DNAAF9: variants seen among roughly 807,000 people sequenced by gnomAD.
DNAAF9 encodes dynein axonemal assembly factor 9.
DNAAF9 carries 90 observed loss-of-function variants against 167.0 expected under a neutral mutation model. The observed-to-expected ratio is 0.54, with a 90% CI of 0.45 to 0.64. The LOEUF (loss-of-function observed/expected upper bound fraction) is 0.64. Among genes scored for constraint, DNAAF9 ranks in the 30% least tolerant of loss-of-function variants. The pLI is 0.00. For synonymous variants in DNAAF9, 491 were observed against 508.8 expected, an observed-to-expected ratio of 0.96 and a Z score of 0.47; for missense variants, 1,315 against 1,442.2, an observed-to-expected ratio of 0.91 and a Z score of 1.43.
rs762145683 is a variant in DNAAF9 at position 3,399,602 on chromosome 20, G to A, written c.83+7873C>T. On this transcript the variant is annotated intron_variant, in intron 1 of 36. Transcript: ENST00000252032. The stretch of plus-strand genomic sequence containing the variant: ...AGAGTTGATCAATGAGACATACACA[G>A]AAGTCATCAAGCAGAAGCTTCCAAG... Among the ~76,000 whole-genome samples the A allele has an allele frequency of 7.3e-4, 111 of 152,150 alleles. No individual in the cohort carries two copies. In the Middle Eastern group the frequency reaches 0.017, roughly 23 times the overall value.
intron 21 of DNAAF9, among the ~76,000 whole-genome samples, chr20:3,299,513 T>C (rs1354102215): frequency 3.3e-5 from 5 of 152,176 alleles, no homozygotes; most frequent in African/African-American, 9.7e-5. Context: ...GGTTTTGCCA[T>C]GTTGGCCAGG....
intron 25 of DNAAF9, among the ~76,000 whole-genome samples, chr20:3,291,407 A>C (rs6084328): frequency 0.26 from 38,734 of 148,048 alleles, 5,240 homozygotes; most frequent in East Asian, 0.38. Context: ...GCAGTGGTGC[A>C]ATCTCGGCTC....
Position 3,344,618 on chromosome 20 carries a change from CA to C in DNAAF9, c.790-888del, listed in dbSNP as rs1568617675. On this transcript the variant is annotated intron_variant, in intron 8 of 36. Coordinates refer to ENST00000252032, the MANE Select transcript of DNAAF9 (RefSeq NM_001009984.3). Reference sequence around the variant, plus strand: ...ACACACACACACACACACACACACACACACACACACACACACACACACCTCA... The same window carrying C: ...ACACACACACACACACACACACACACCACACACACACACACACACACCTCA... Among the ~76,000 whole-genome samples the C allele has an allele frequency of 3.4e-4, 51 of 150,400 alleles. 1 individual carries two copies. Among genetic ancestry groups the C allele is most frequent in the African/African-American group, 1.0e-3 (42 of 40,780 alleles).
chr20:3,328,170 C>G (rs567341101), intron 12 of DNAAF9, among the ~76,000 whole-genome samples: 1 of 127,322 alleles, frequency 7.9e-6, no homozygotes, highest in Non-Finnish European at 1.7e-5. Context: ...AATTAAAAAG[C>G]CTGCATGGCT....
intron 1 of DNAAF9, among the ~76,000 whole-genome samples, chr20:3,398,402 T>A (rs2083939849): frequency 1.3e-5 from 2 of 152,198 alleles, no homozygotes; most frequent in South Asian, 4.2e-4. Context: ...ATCCTTTGAG[T>A]TGGATTACTG....
chr20:3,297,608 T>A (rs961947714), intron 22 of DNAAF9, among the ~76,000 whole-genome samples: 2 of 152,048 alleles, frequency 1.3e-5, no homozygotes, highest in African/African-American at 4.8e-5. Flanking sequence ...ATCTATGCCA[T>A]CTGTGCTGAG....
rs1412468420 is a variant in DNAAF9, at chr20:3,259,974, G to A, written c.2928C>T (p.Cys976=). The part of the protein sequence containing the change: ...GSVYPLMVQI[C]VWFGRPLEKT... Reference sequence around the variant, plus strand: ...TCTCCAAGGGACGGCCAAACCATACGCAGATCTGAACCATTAGGGGATAGA... The same window carrying A: ...TCTCCAAGGGACGGCCAAACCATACACAGATCTGAACCATTAGGGGATAGA... The change falls in exon 32 of 37, where the codon TGC becomes TGT. Residue 976 remains cysteine (C), a synonymous_variant. Coordinates refer to ENST00000252032, the MANE Select transcript of DNAAF9 (RefSeq NM_001009984.3). 3 of 1,612,928 alleles carry A rather than the reference G, an allele frequency of 1.9e-6. No homozygotes were observed. Among genetic ancestry groups the A allele is most frequent in the African/African-American group, 2.7e-5 (2 of 74,910 alleles).
Position 3,381,402 on chromosome 20 carries a change from C to G in DNAAF9, c.260G>C (p.Gly87Ala), listed in dbSNP as rs778832075. 6.2e-7 allele frequency: 1 copy of G among 1,611,434 alleles called. No homozygotes were observed. The highest frequency in any genetic ancestry group is 8.5e-7 in the Non-Finnish European group (1 of 1,177,728). The stretch of plus-strand genomic sequence containing the variant: ...ACCATCTAGTACTTCTTCAGAAAAT[C>G]CCGTTTTCTCAAAATCACTGGTATT... ...NQNTSDFEKT[G>A]FSEEVLDDVI... The change falls in exon 3 of 37, where the codon GGA becomes GCA. Residue 87 changes from glycine (G) to alanine (A), a missense_variant. Coordinates refer to ENST00000252032, the MANE Select transcript of DNAAF9 (RefSeq NM_001009984.3).
intron 20 of DNAAF9, among the ~76,000 whole-genome samples, chr20:3,314,223 T>C (rs1472680039): frequency 1.3e-5 from 2 of 152,040 alleles, no homozygotes; most frequent in Non-Finnish European, 2.9e-5. Flanking sequence ...TTTAAGCCCA[T>C]GAGATTTAGG....
chr20:3,366,983 C>T (rs1354457475), intron 6 of DNAAF9, among the ~76,000 whole-genome samples: 1 of 151,886 alleles, frequency 6.6e-6, no homozygotes, highest in African/African-American at 2.4e-5. Flanking sequence ...TCCTAGATGG[C>T]ATCGTCTTCT....
chr20:3,284,490 G>A (rs2068816974), intron 27 of DNAAF9, among the ~76,000 whole-genome samples: 1 of 148,612 alleles, frequency 6.7e-6, no homozygotes. Flanking sequence ...GCTACAGCTT[G>A]TACCGGACCA....
chr20:3,330,791 CT>C (rs34084211), intron 11 of DNAAF9, 109 bp from the exon 12 acceptor site: 32,669 of 410,922 alleles, frequency 0.08, 62 homozygotes, highest in South Asian at 0.1. Context: ...AAGAACTACA[CT>C]TTTTTTTTTT....
chr20:3,322,299 GTT>G, intron 15 of DNAAF9, 37 bp from the exon 16 acceptor site: 2 of 1,475,658 alleles, frequency 1.4e-6, no homozygotes, highest in Non-Finnish European at 1.9e-6. Flanking sequence ...ATGTTAAAGA[GTT>G]TTTAAGTGTA....
intron 22 of DNAAF9, among the ~76,000 whole-genome samples, chr20:3,297,228 G>C (rs953368163): frequency 6.6e-6 from 1 of 152,160 alleles, no homozygotes; most frequent in African/African-American, 2.4e-5. Flanking sequence ...AGCAGCAGAC[G>C]CATGTTCTCC....
At chr20:3,382,336 T>C in intron 2 of DNAAF9, 91 bp downstream of exon 2, 1 of 963,616 alleles carries the variant, frequency 1.0e-6, no homozygotes. Context: ...TCACAGCTTA[T>C]TTCACATTGC....
At chr20:3,376,386 T>C (rs750869759) in intron 3 of DNAAF9, 84 bp from the exon 4 acceptor site, 2 of 1,096,986 alleles carry the variant, frequency 1.8e-6, no homozygotes, top group Non-Finnish European at 2.6e-6. Context: ...AGTAAAACCA[T>C]TGAAACTACT....
intron 33 of DNAAF9, among the ~76,000 whole-genome samples, chr20:3,257,230 G>A (rs993174031): frequency 6.6e-6 from 1 of 152,028 alleles, no homozygotes; most frequent in African/African-American, 2.4e-5. Context: ...ATAAACAAGA[G>A]GCTGGGTGTG....
In DNAAF9 at chr20:3,278,852, A is replaced by G. The variant is rs182349992; in HGVS notation, c.2650+60T>C. 8.3e-5 allele frequency: 101 copies of G among 1,212,720 alleles called. 1 individual carries two copies. Among genetic ancestry groups the G allele is most frequent in the Middle Eastern group, 1.9e-4 (1 of 5,194 alleles). 75.1% of individuals were successfully genotyped at this position (1,212,720 alleles called of 1,614,324 possible). A position where few individuals can be genotyped will look rare whatever the true frequency, so the allele number is the denominator to read the frequency against. On this transcript the variant is annotated intron_variant, in intron 29 of 36. Coordinates refer to ENST00000252032, the MANE Select transcript of DNAAF9 (RefSeq NM_001009984.3). ...TAGGTAAGAGCACGAAGAAAAGTCT[A>G]TTGCTGAATTCTACTGAACTTGCAA...
At chr20:3,367,998 T>C (rs556157212) in intron 6 of DNAAF9, among the ~76,000 whole-genome samples, 1 of 152,002 alleles carries the variant, frequency 6.6e-6, no homozygotes, top group Admixed American at 6.5e-5. Context: ...TTTGCCAGTC[T>C]AACTGGTGAA....
Sources: allele counts gnomAD v4.1 joint callset (sites outside exome capture counted in the v4.1 genomes callset), GRCh38; gene constraint gnomAD v4.1.1; transcripts MANE v1.5; gene names NCBI Gene and HGNC (gene_info 2026-07-23, HGNC 2026-07-21).